The following PCDH15 variants were observed in gnomAD, a reference collection of about 807,000 sequenced individuals.
PCDH15 encodes the protein protocadherin-15.
In PCDH15, 129 loss-of-function variants were observed where a neutral mutation model predicts 178.5. That is an observed-to-expected ratio of 0.72 (90% CI 0.63 to 0.84). The LOEUF is 0.84. Ranked by LOEUF, PCDH15 falls within the 40% of genes least tolerant of loss-of-function variation. PCDH15 has a pLI of 0.00. For synonymous variants in PCDH15, 800 were observed against 732.0 expected (o/e 1.09, Z -1.50); for missense variants, 2,230 against 2,099.9 (o/e 1.06, Z -1.21).
At chr10:55,266,946 A>G (rs1842314876) in intron 1 of PCDH15, among the ~76,000 whole-genome samples, 1 of 152,160 alleles carries the variant, frequency 6.6e-6, no homozygotes, top group Non-Finnish European at 1.5e-5. Context: ...AGCTGTTAAC[A>G]TTTACCCCTA....
At chr10:54,576,137 ATCT>A in intron 2 of PCDH15, among the ~76,000 whole-genome samples, 1 of 1,230 alleles carries the variant, frequency 8.1e-4, no homozygotes, top group East Asian at 0.042. Flanking sequence ...GTATGTATCC[ATCT>A]ATCTATCTAT....
At chr10:54,280,946 T>C (rs935395461) in intron 8 of PCDH15, among the ~76,000 whole-genome samples, 13 of 151,874 alleles carry the variant, frequency 8.6e-5, no homozygotes, top group Non-Finnish European at 1.5e-5. Flanking sequence ...ATTTAAAAAT[T>C]TAAAAATAAC....
intron 3 of PCDH15, among the ~76,000 whole-genome samples, chr10:54,822,639 G>T (rs1279681258): frequency 6.6e-6 from 1 of 151,816 alleles, no homozygotes; most frequent in African/African-American, 2.4e-5. Flanking sequence ...TCCTTTCTTT[G>T]GATATATACC....
chr10:54,627,168 G>C (rs1005370005), intron 2 of PCDH15, among the ~76,000 whole-genome samples: 1 of 152,156 alleles, frequency 6.6e-6, no homozygotes, highest in Non-Finnish European at 1.5e-5. Flanking sequence ...CCCTTGCCTT[G>C]TCTAGGATAA....
At chr10:54,722,626 A>G (rs1941827197) in intron 1 of PCDH15, among the ~76,000 whole-genome samples, 1 of 151,462 alleles carries the variant, frequency 6.6e-6, no homozygotes, top group Admixed American at 6.6e-5. Flanking sequence ...TGATGGCATA[A>G]TTGTGTATCA....
intron 2 of PCDH15, among the ~76,000 whole-genome samples, chr10:55,054,300 A>T (rs1841238603): frequency 6.6e-6 from 1 of 152,052 alleles, no homozygotes; most frequent in Non-Finnish European, 1.5e-5. Context: ...TTCCTGCATG[A>T]GTTTGCTAAA....
In PCDH15 at chr10:55,608,006, C is replaced by T. The variant is rs187907907; in HGVS notation, c.-156+19619G>A. On this transcript the variant is annotated intron_variant, in intron 2 of 5. Coordinates refer to the PCDH15 transcript ENST00000613346. ...AATTTGAGTCATTTATAAAAATATC[C>T]AAGCAAAAGCGCCTACTGGTCAAAT... Among the ~76,000 whole-genome samples, 310 of 151,526 alleles carry T rather than the reference C, an allele frequency of 2.0e-3. 1 individual carries two copies. Among genetic ancestry groups the T allele is most frequent in the African/African-American group, 6.7e-3 (276 of 41,344 alleles).
intron 1 of PCDH15, among the ~76,000 whole-genome samples, chr10:54,778,320 T>C (rs1245873651): frequency 6.6e-6 from 1 of 152,006 alleles, no homozygotes; most frequent in Non-Finnish European, 1.5e-5. Context: ...TCCCTATTTA[T>C]ATTACATTAA....
At chr10:54,532,925 G>C (rs769160729) in intron 2 of PCDH15, among the ~76,000 whole-genome samples, 15 of 152,144 alleles carry the variant, frequency 9.9e-5, no homozygotes, top group Non-Finnish European at 1.6e-4. Flanking sequence ...ACCAGTGTGA[G>C]TGAGTGTGGG....
intron 15 of PCDH15, among the ~76,000 whole-genome samples, chr10:54,129,213 A>C (rs2042225053): frequency 6.6e-6 from 1 of 152,212 alleles, no homozygotes; most frequent in South Asian, 2.1e-4. Context: ...TCTTAAAAGA[A>C]AGTTAACGCA....
At chr10:53,808,769 C>T (rs1456985870) in intron 37 of PCDH15, 5 of 1,612,378 alleles carry the variant, frequency 3.1e-6, no homozygotes, top group Non-Finnish European at 4.2e-6. Context: ...CTGTCATACG[C>T]TGGTACCTGA....
At chr10:54,504,518 A>G (rs2081002620) in intron 3 of PCDH15, among the ~76,000 whole-genome samples, 1 of 152,106 alleles carries the variant, frequency 6.6e-6, no homozygotes. Context: ...TGTCATCTTC[A>G]CAAATAAAGC....
chr10:54,905,118 G>A (rs1001990184), intron 2 of PCDH15, among the ~76,000 whole-genome samples: 1 of 151,894 alleles, frequency 6.6e-6, no homozygotes, highest in African/African-American at 2.4e-5. Context: ...ATAAATGACA[G>A]AGCAAGGATT....
intron 3 of PCDH15, among the ~76,000 whole-genome samples, chr10:54,427,021 TCCATGTTTTAACGTTAATAAC>T (rs1366726178): frequency 6.6e-6 from 1 of 152,046 alleles, no homozygotes; most frequent in East Asian, 1.9e-4. Context: ...TTTTAAAAGT[TCCATGTTTTAACGTTAATAAC>T]CATATCAAGA....
chr10:54,063,145 A>G (rs1043115419), intron 18 of PCDH15, among the ~76,000 whole-genome samples: 1 of 152,210 alleles, frequency 6.6e-6, no homozygotes, highest in Non-Finnish European at 1.5e-5. Flanking sequence ...CCATTTCAAT[A>G]TATCAGGAGT....
intron 2 of PCDH15, among the ~76,000 whole-genome samples, chr10:54,531,807 T>C (rs1048265989): frequency 1.5e-4 from 23 of 152,188 alleles, no homozygotes; most frequent in African/African-American, 5.5e-4. Flanking sequence ...ACTTCTGTAC[T>C]TGCAATTTCA....
intron 1 of PCDH15, among the ~76,000 whole-genome samples, chr10:54,746,928 T>C (rs1377279331): frequency 1.3e-5 from 2 of 152,174 alleles, no homozygotes; most frequent in East Asian, 3.9e-4. Flanking sequence ...TGACTTTACA[T>C]TGGGTTTATC....
At chr10:54,829,185 C>T (rs934456221) in intron 3 of PCDH15, among the ~76,000 whole-genome samples, 2 of 152,048 alleles carry the variant, frequency 1.3e-5, no homozygotes, top group Middle Eastern at 3.4e-3. Flanking sequence ...AATTACTCTG[C>T]CTCTTCTGTA....
intron 3 of PCDH15, among the ~76,000 whole-genome samples, chr10:54,854,415 T>A (rs567560817): frequency 2.1e-4 from 32 of 152,308 alleles, no homozygotes; most frequent in African/African-American, 7.7e-4. Flanking sequence ...GTAACCAAGT[T>A]ATTGTCCTGT....
Sources: gnomAD v4.1 joint callset for allele counts (sites outside exome capture counted in the v4.1 genomes callset) on GRCh38, gnomAD v4.1.1 for gene constraint, MANE v1.5 for transcripts, NCBI Gene and HGNC (gene_info 2026-07-23, HGNC 2026-07-21) for gene names.